SMIM9: variants seen among roughly 807,000 people sequenced by gnomAD.
SMIM9 encodes the protein small integral membrane protein 9, also known as chromosome X open reading frame 68.
Under a neutral mutation model 7.2 loss-of-function variants are expected in SMIM9, and 8 were observed. That is an observed-to-expected ratio of 1.10 (90% CI 0.65 to 1.99). SMIM9 has a LOEUF of 1.99. SMIM9 is among the 30% of genes most tolerant of loss of function. The pLI, the probability that SMIM9 is intolerant of heterozygous loss-of-function variation, is 0.00. For missense variants in SMIM9, 76 were observed against 69.3 expected (o/e 1.10, Z -0.34); for synonymous variants, 19 against 26.4 (o/e 0.72, Z 0.86).
chrX:154,825,813 C>T (rs782530962), intron 4 of SMIM9, among the ~76,000 whole-genome samples: 32 of 108,093 alleles, frequency 3.0e-4, no homozygotes, highest in South Asian at 8.3e-4. Context: ...AGCAAACTAT[C>T]GCAAGGACAA....
chrX:154,828,016 G>A (rs781964755), intron 4 of SMIM9, among the ~76,000 whole-genome samples: 2 of 111,830 alleles, frequency 1.8e-5, no homozygotes, highest in Non-Finnish European at 3.8e-5. Flanking sequence ...GGCCGACTGA[G>A]TCTTTGTTGG....
chrX:154,823,823 T>C lies in SMIM9; in HGVS notation c.273-41A>G, dbSNP rs2072407163. The C allele has an allele frequency of 3.5e-6, 4 of 1,129,733 alleles. No individual in the cohort carries two copies. In the Admixed American group the frequency reaches 8.9e-5, roughly 25 times the overall value. The allele number at this position is 1,129,733 out of a possible 1,213,427, so 93.1% of individuals were successfully genotyped here. On this transcript the variant is annotated intron_variant, in intron 4 of 4. Transcript: ENST00000369529. ...AAAATGGTGAATGCTCTGCACAGAG[T>C]TGCTATATAATTATATAACCTTTTC...
At position 154,823,625 on chromosome X, in the gene SMIM9, T is replaced by C; in HGVS notation, c.*130A>G. The stretch of plus-strand genomic sequence containing the variant: ...TGAAGGAGAAAATGAAGGCAAAGGA[T>C]GATTCAAGTTGGAAGACGATTTAAT... On this transcript the variant is annotated 3_prime_UTR_variant, in exon 5 of 5. Transcript: ENST00000369529. 1 of 550,531 alleles carries C rather than the reference T, an allele frequency of 1.8e-6. No homozygotes were observed. The highest frequency in any genetic ancestry group is 5.7e-5 in the South Asian group (1 of 17,661). The allele number at this position is 550,531 out of a possible 1,213,427, so 45.4% of individuals were successfully genotyped here.
At chrX:154,824,425 C>G (rs1212473029) in intron 4 of SMIM9, among the ~76,000 whole-genome samples, 2 of 92,319 alleles carry the variant, frequency 2.2e-5, no homozygotes, top group East Asian at 6.9e-4. Context: ...ACAGGAAAAA[C>G]AAAAGTTAAC....
intron 2 of SMIM9, 102 bp downstream of exon 2, chrX:154,832,472 T>G (rs1198493285): frequency 1.6e-4 from 18 of 112,350 alleles, no homozygotes; most frequent in African/African-American, 5.8e-4. Context: ...TTTGAGCCAT[T>G]ATAATTTGGG....
chrX:154,825,724 G>T (rs1193843646), intron 4 of SMIM9, among the ~76,000 whole-genome samples: 15 of 109,958 alleles, frequency 1.4e-4, no homozygotes, highest in African/African-American at 5.0e-4. Flanking sequence ...TATACACCAT[G>T]GAATACTATG....
intron 2 of SMIM9, among the ~76,000 whole-genome samples, chrX:154,831,414 A>T (rs185763467): frequency 2.0e-4 from 22 of 112,472 alleles, no homozygotes; most frequent in Non-Finnish European, 4.1e-4. Flanking sequence ...TGCTTTAAAA[A>T]GTAAATGTTT....
In SMIM9 at chrX:154,823,748, T is replaced by C. The variant is rs1557270034; in HGVS notation, c.*7A>G. On this transcript the variant is annotated 3_prime_UTR_variant, in exon 5 of 5. Coordinates refer to ENST00000369529, the MANE Select transcript of SMIM9 (RefSeq NM_001162936.4). ...ACCACACTTGCCCTGTTGAATCTTC[T>C]AGTTCTTCAGTGGACTGGATCAACT... 3 of 1,161,594 alleles carry C rather than the reference T, an allele frequency of 2.6e-6. No individual in the cohort carries two copies. In the African/African-American group the frequency reaches 5.4e-5, roughly 21 times the overall value.
chrX:154,825,391 CA>C (rs35510627), intron 4 of SMIM9, among the ~76,000 whole-genome samples: 143 of 71,666 alleles, frequency 2.0e-3, no homozygotes, highest in South Asian at 5.3e-3. Flanking sequence ...GACTTCACCT[CA>C]AAAAAAAAAA....
chrX:154,824,518 G>A (rs1236960283), intron 4 of SMIM9, among the ~76,000 whole-genome samples: 1 of 111,307 alleles, frequency 9.0e-6, no homozygotes, highest in African/African-American at 3.3e-5. Context: ...GGTTCTTAGA[G>A]GCTTTCCCCC....
chrX:154,830,717 C>G lies in SMIM9; in HGVS notation c.140G>C (p.Gly47Ala), dbSNP rs940159688. 30 of 1,165,572 alleles carry G rather than the reference C, an allele frequency of 2.6e-5. No individual in the cohort carries two copies. Among genetic ancestry groups the G allele is most frequent in the Non-Finnish European group, 3.3e-5 (29 of 872,427 alleles). The change falls in exon 3 of 5, where the codon GGG becomes GCG. Residue 47 changes from glycine to alanine, a missense_variant and splice_region_variant. By Grantham distance (60) the Gly-to-Ala change is moderately conservative. Transcript: ENST00000369529. Reference sequence around the variant, plus strand: ...ATTCATCCTAACAGCAAACACACCCCCTGAGCGTGGTTTCGATCCTGTTTT... The same window carrying G: ...ATTCATCCTAACAGCAAACACACCCGCTGAGCGTGGTTTCGATCCTGTTTT... ...QEKTGSKPRSGGNHRSWLNNF... is the reference protein window; with the variant it reads ...QEKTGSKPRSAGNHRSWLNNF...
At chrX:154,824,861 C>A (rs1353499509) in intron 4 of SMIM9, among the ~76,000 whole-genome samples, 3 of 112,206 alleles carry the variant, frequency 2.7e-5, no homozygotes, top group Non-Finnish European at 3.8e-5. Flanking sequence ...AAGCAGCTAG[C>A]TTAAGCCTTC....
chrX:154,833,845 CAGTT>C (rs782480292), intron 1 of SMIM9, among the ~76,000 whole-genome samples: 45 of 111,820 alleles, frequency 4.0e-4, no homozygotes, highest in African/African-American at 1.4e-3. Context: ...AATGGTATCT[CAGTT>C]AGGTTCTATC....
At position 154,833,857 on chromosome X, in the gene SMIM9, A is replaced by G. The variant is rs782659588; in HGVS notation, c.-210+706T>C. ...AAAAATGGTATCTCAGTTAGGTTCT[A>G]TCAGAAAACAGAGCTACCAGGAAAT... On this transcript the variant is annotated intron_variant, in intron 1 of 4. Transcript: ENST00000369529. Among the ~76,000 whole-genome samples, 197 of 112,510 alleles carry G rather than the reference A, an allele frequency of 1.8e-3. 1 individual carries two copies. The highest frequency in any genetic ancestry group is 2.8e-3 in the Non-Finnish European group (150 of 53,252).
At chrX:154,827,676 C>T (rs2072427153) in intron 4 of SMIM9, among the ~76,000 whole-genome samples, 1 of 112,549 alleles carries the variant, frequency 8.9e-6, no homozygotes, top group Non-Finnish European at 1.9e-5. Context: ...GAAGAAGGAA[C>T]AGGATTGCTG....
intron 2 of SMIM9, 31 bp from the exon 3 acceptor site, chrX:154,830,986 A>C: frequency 8.1e-6 from 6 of 738,865 alleles, no homozygotes; most frequent in Non-Finnish European, 9.5e-6. Flanking sequence ...GGTTTAGCTC[A>C]TATTCCAAAA....
chrX:154,830,698 C>T lies in SMIM9; in HGVS notation c.142+17G>A. On this transcript the variant is annotated intron_variant, in intron 3 of 4. Coordinates refer to ENST00000369529, the MANE Select transcript of SMIM9 (RefSeq NM_001162936.4). ...GTCCTATGAAGAAAGAAACATTCATCCTAACAGCAAACACACCCCCTGAGC... is the reference window on the plus strand; with the variant it reads ...GTCCTATGAAGAAAGAAACATTCATTCTAACAGCAAACACACCCCCTGAGC... The T allele has an allele frequency of 8.6e-7, 1 of 1,164,435 alleles. No individual in the cohort carries two copies. The highest frequency in any genetic ancestry group is 1.1e-6 in the Non-Finnish European group (1 of 871,136).
chrX:154,829,508 C>T, intron 4 of SMIM9, 27 bp downstream of exon 4: 1 of 1,164,824 alleles, frequency 8.6e-7, no homozygotes, highest in Non-Finnish European at 1.1e-6. Flanking sequence ...TCTCTCCTCC[C>T]TGTCTCTTCT....
chrX:154,829,919 G>A (rs2072437474), intron 3 of SMIM9, among the ~76,000 whole-genome samples: 1 of 112,088 alleles, frequency 8.9e-6, no homozygotes, highest in South Asian at 3.7e-4. Flanking sequence ...TTGTTGTTTC[G>A]GATATCTTGA....
Sources: allele counts gnomAD v4.1 joint callset (sites outside exome capture counted in the v4.1 genomes callset), GRCh38; gene constraint gnomAD v4.1.1; transcripts MANE v1.5; gene names NCBI Gene and HGNC (gene_info 2026-07-23, HGNC 2026-07-21).